Variants in DNAH3 observed in about 807,000 individuals in gnomAD.
DNAH3 encodes dynein axonemal heavy chain 3.
DNAH3 carries 332 observed loss-of-function variants against 432.5 expected under a neutral mutation model. The observed-to-expected ratio is 0.77, with a 90% CI of 0.70 to 0.84. The LOEUF (loss-of-function observed/expected upper bound fraction) is 0.84, where lower values mean the gene tolerates loss of function less well. DNAH3 is among the 40% of genes least tolerant of loss of function. The probability of loss-of-function intolerance (pLI) is 0.00; values close to 1 mark genes in which losing one functional copy is unlikely to be tolerated. For synonymous variants in DNAH3, 1,956 were observed against 1,900.2 expected (o/e 1.03, Z -0.76); for missense variants, 4,861 against 5,114.0 (o/e 0.95, Z 1.51).
exon 57 of DNAH3, chr16:20,948,483 C>T: frequency 2.5e-6 from 4 of 1,613,106 alleles, no homozygotes; most frequent in Non-Finnish European, 3.4e-6. Context: ...CACCCCTTAC[C>T]TGGTAGGAGC....
chr16:21,077,494 C>T (rs946919680), intron 20 of DNAH3, among the ~76,000 whole-genome samples: 2 of 152,094 alleles, frequency 1.3e-5, no homozygotes, highest in Non-Finnish European at 2.9e-5. Flanking sequence ...GATTTTGAAC[C>T]TCTGTTAATT....
intron 44 of DNAH3, among the ~76,000 whole-genome samples, chr16:20,995,132 G>A (rs1003999990): frequency 2.0e-5 from 3 of 152,078 alleles, no homozygotes; most frequent in Non-Finnish European, 4.4e-5. Context: ...TTTTTGTAGA[G>A]ATGGTGTTTC....
intron 36 of DNAH3, among the ~76,000 whole-genome samples, chr16:21,032,577 C>G (rs776848463): frequency 6.6e-6 from 1 of 152,134 alleles, no homozygotes; most frequent in Non-Finnish European, 1.5e-5. Context: ...CTTTGGGAGG[C>G]TGAGGCAGGA....
At chr16:20,935,910 T>C (rs2083572081) in intron 60 of DNAH3, among the ~76,000 whole-genome samples, 1 of 151,698 alleles carries the variant, frequency 6.6e-6, no homozygotes. Flanking sequence ...GTGGGGACTG[T>C]AGCAGTGGAG....
At chr16:21,142,396 T>A (rs1231729062) in intron 3 of DNAH3, among the ~76,000 whole-genome samples, 1 of 152,086 alleles carries the variant, frequency 6.6e-6, no homozygotes, top group Admixed American at 6.5e-5. Flanking sequence ...CATACATGCA[T>A]ACATACATAC....
intron 41 of DNAH3, among the ~76,000 whole-genome samples, chr16:21,005,736 C>T (rs1004720389): frequency 6.6e-6 from 1 of 151,218 alleles, no homozygotes; most frequent in African/African-American, 2.4e-5. Flanking sequence ...TCAGCTCTTA[C>T]GTGTTTGAGA....
chr16:21,094,918 T>C (rs2091635707), intron 18 of DNAH3, among the ~76,000 whole-genome samples: 1 of 152,184 alleles, frequency 6.6e-6, no homozygotes. Flanking sequence ...CCTGCCGCCA[T>C]GTAAGAAGTG....
chr16:21,100,567 G>T (rs1414722323), intron 16 of DNAH3, among the ~76,000 whole-genome samples: 1 of 152,178 alleles, frequency 6.6e-6, no homozygotes, highest in Non-Finnish European at 1.5e-5. Context: ...CACAATGTCG[G>T]GTGCTCTCCC....
chr16:21,011,584 T>C (rs995610506), intron 41 of DNAH3, among the ~76,000 whole-genome samples: 1 of 151,882 alleles, frequency 6.6e-6, no homozygotes, highest in African/African-American at 2.4e-5. Flanking sequence ...TGGTCTCAAA[T>C]TCCTGGGCTC....
At chr16:21,032,619 C>T (rs2088943896) in intron 36 of DNAH3, among the ~76,000 whole-genome samples, 1 of 151,826 alleles carries the variant, frequency 6.6e-6, no homozygotes, top group Non-Finnish European at 1.5e-5. Flanking sequence ...TCGAGACCAG[C>T]CTGCGCAATA....
At chr16:20,935,435 G>A in exon 61 of DNAH3, 1 of 1,612,762 alleles carries the variant, frequency 6.2e-7, no homozygotes, top group Non-Finnish European at 8.5e-7. Context: ...ACTGTGTGAA[G>A]TAGAATCCAG....
intron 39 of DNAH3, among the ~76,000 whole-genome samples, chr16:21,023,789 GTGTGTGT>G (rs2088385490): frequency 6.9e-6 from 1 of 145,864 alleles, no homozygotes; most frequent in African/African-American, 2.5e-5. Context: ...CTTTTGGGGT[GTGTGTGT>G]GTGTGTGTGT....
exon 34 of DNAH3, chr16:21,037,975 G>A: frequency 6.2e-7 from 1 of 1,613,920 alleles, no homozygotes. Flanking sequence ...GATCTTCTGG[G>A]CGAGACTAGA....
intron 4 of DNAH3, 21 bp downstream of exon 5, chr16:21,141,279 G>A: frequency 1.3e-6 from 2 of 1,562,250 alleles, no homozygotes; most frequent in Non-Finnish European, 1.7e-6. Context: ...GCCTTCTCTG[G>A]TGCCCACAGT....
intron 14 of DNAH3, among the ~76,000 whole-genome samples, chr16:21,109,727 CCT>C (rs1233956250): frequency 1.3e-5 from 2 of 151,312 alleles, no homozygotes; most frequent in Non-Finnish European, 2.9e-5. Context: ...AACTTGCATA[CCT>C]CTCTCTTTTT....
chr16:20,954,413 C>T (rs1488169280), intron 55 of DNAH3, among the ~76,000 whole-genome samples: 2 of 151,232 alleles, frequency 1.3e-5, no homozygotes, highest in African/African-American at 4.9e-5. Context: ...CCTCAGCTTC[C>T]CAAATAGCTG....
intron 21 of DNAH3, among the ~76,000 whole-genome samples, chr16:21,074,217 T>C (rs1395237980): frequency 6.6e-6 from 1 of 152,060 alleles, no homozygotes; most frequent in East Asian, 1.9e-4. Flanking sequence ...AAGTCACAAG[T>C]AGATAACATG....
At chr16:21,019,449 C>G in intron 41 of DNAH3, 175 bp downstream of exon 41, 1 of 771,658 alleles carries the variant, frequency 1.3e-6, no homozygotes, top group East Asian at 2.7e-5. Flanking sequence ...TGTGAGACAC[C>G]ACAACCAGCC....
intron 56 of DNAH3, among the ~76,000 whole-genome samples, chr16:20,948,852 A>G (rs2084179256): frequency 6.6e-6 from 1 of 152,100 alleles, no homozygotes. Flanking sequence ...CCAAAGTGAG[A>G]ACTTACATCC....
Sources: gnomAD v4.1 joint callset for allele counts (sites outside exome capture counted in the v4.1 genomes callset) on GRCh38, gnomAD v4.1.1 for gene constraint, MANE v1.5 for transcripts, NCBI Gene and HGNC (gene_info 2026-07-23, HGNC 2026-07-21) for gene names.